The following TDRD7 variants were observed in gnomAD, a reference collection of about 807,000 sequenced individuals.
TDRD7 encodes tudor domain containing 7.
Under a neutral mutation model 109.8 loss-of-function variants are expected in TDRD7, and 47 were observed. The observed-to-expected ratio is 0.43, with a 90% CI of 0.34 to 0.55. TDRD7 has a LOEUF of 0.55. Among genes scored for constraint, TDRD7 ranks in the 20% least tolerant of loss-of-function variants. The pLI is 0.03. For missense variants in TDRD7, 1,164 were observed against 1,319.2 expected (o/e 0.88, Z 1.82); for synonymous variants, 424 against 457.3 (o/e 0.93, Z 0.93).
intron 8 of TDRD7, among the ~76,000 whole-genome samples, chr9:97,465,804 A>G (rs1160742691): frequency 2.0e-5 from 3 of 152,142 alleles, no homozygotes; most frequent in Non-Finnish European, 2.9e-5. Context: ...GCTACTTGAT[A>G]GAGAATTTGG....
chr9:97,417,549 T>G (rs1406120267), intron 1 of TDRD7, among the ~76,000 whole-genome samples: 1 of 152,192 alleles, frequency 6.6e-6, no homozygotes, highest in Non-Finnish European at 1.5e-5. Flanking sequence ...CTTCCATCTT[T>G]ATGTATCACA....
At position 97,428,440 on chromosome 9, in the gene TDRD7, C is replaced by G. The variant is rs777486752; in HGVS notation, c.-6-20C>G. On this transcript the variant is annotated intron_variant, in intron 1 of 16. Transcript: ENST00000355295. ...AACGAATGAGCCATATTATAGTAAC[C>G]TTCTACTGTGTTCTTATAGGCAAAG... is the stretch of plus-strand genomic sequence containing the variant. 2 of 1,609,958 alleles carry G rather than the reference C, an allele frequency of 1.2e-6. No homozygotes were observed. The highest frequency in any genetic ancestry group is 1.7e-6 in the Non-Finnish European group (2 of 1,176,696).
chr9:97,489,676 A>G (rs566970304), intron 16 of TDRD7, among the ~76,000 whole-genome samples: 16 of 152,178 alleles, frequency 1.1e-4, no homozygotes, highest in African/African-American at 3.4e-4. Context: ...ATTAACATCT[A>G]CCATATTTGT....
intron 8 of TDRD7, among the ~76,000 whole-genome samples, chr9:97,467,944 T>G (rs1231171770): frequency 1.3e-5 from 2 of 152,182 alleles, no homozygotes; most frequent in East Asian, 3.8e-4. Context: ...AAAGAGAAGA[T>G]TCAAGATAAG....
At chr9:97,445,325 G>A (rs1828382304) in intron 6 of TDRD7, among the ~76,000 whole-genome samples, 1 of 152,168 alleles carries the variant, frequency 6.6e-6, no homozygotes, top group South Asian at 2.1e-4. Flanking sequence ...CCGTGTGCTA[G>A]CCACTGACCT....
At chr9:97,442,070 T>A (rs909017588) in intron 6 of TDRD7, among the ~76,000 whole-genome samples, 195 bp downstream of exon 6, 6 of 152,234 alleles carry the variant, frequency 3.9e-5, no homozygotes, top group Non-Finnish European at 7.3e-5. Context: ...AAGGTTCTCC[T>A]GTGTTGTAAT....
intron 11 of TDRD7, among the ~76,000 whole-genome samples, chr9:97,474,470 CTG>C (rs1828977684): frequency 6.6e-6 from 1 of 152,160 alleles, no homozygotes; most frequent in African/African-American, 2.4e-5. Context: ...AGGGCATAGA[CTG>C]TGCCTTACCA....
intron 15 of TDRD7, among the ~76,000 whole-genome samples, chr9:97,486,309 T>C (rs1275193737): frequency 6.6e-6 from 1 of 152,220 alleles, no homozygotes; most frequent in Non-Finnish European, 1.5e-5. Context: ...TTTGAGACTA[T>C]AGGACTTTAA....
At chr9:97,424,454 T>C (rs1256330160) in intron 1 of TDRD7, among the ~76,000 whole-genome samples, 1 of 152,194 alleles carries the variant, frequency 6.6e-6, no homozygotes, top group African/African-American at 2.4e-5. Flanking sequence ...ATTGTGAAAT[T>C]GTGAATAAGT....
chr9:97,436,237 A>G (rs1448878758), intron 4 of TDRD7, among the ~76,000 whole-genome samples: 3 of 152,132 alleles, frequency 2.0e-5, no homozygotes, highest in Admixed American at 2.0e-4. Context: ...TATGAGAGTG[A>G]TTATTTTCTT....
At chr9:97,420,540 G>A (rs906866844) in intron 1 of TDRD7, among the ~76,000 whole-genome samples, 35 of 152,170 alleles carry the variant, frequency 2.3e-4, no homozygotes, top group African/African-American at 7.0e-4. Context: ...AATCATGTAT[G>A]TAGCCTTTTG....
chr9:97,470,402 C>T (rs1268622295), intron 8 of TDRD7, among the ~76,000 whole-genome samples, 156 bp from the exon 9 acceptor site: 1 of 152,186 alleles, frequency 6.6e-6, no homozygotes, highest in Non-Finnish European at 1.5e-5. Context: ...CCTTTCTCTT[C>T]TGTGGTAAGT....
chr9:97,487,372 A>G (rs1829229620), intron 16 of TDRD7, 40 bp downstream of exon 16: 1 of 1,613,186 alleles, frequency 6.2e-7, no homozygotes, highest in Non-Finnish European at 8.5e-7. Flanking sequence ...ACAACAATGC[A>G]ATATTGTCAT....
At chr9:97,474,217 T>C (rs1215394232) in intron 11 of TDRD7, among the ~76,000 whole-genome samples, 1 of 152,130 alleles carries the variant, frequency 6.6e-6, no homozygotes, top group Non-Finnish European at 1.5e-5. Context: ...GGTTTTATTG[T>C]GCTTTAAGTT....
intron 13 of TDRD7, among the ~76,000 whole-genome samples, chr9:97,479,153 C>A (rs537452343): frequency 6.6e-6 from 1 of 151,998 alleles, no homozygotes; most frequent in Admixed American, 6.6e-5. Flanking sequence ...TAAAACAATG[C>A]GGTATTCTAC....
intron 6 of TDRD7, 147 bp from the exon 7 acceptor site, chr9:97,460,031 T>G: frequency 1.4e-6 from 1 of 716,174 alleles, no homozygotes; most frequent in Non-Finnish European, 2.4e-6. Context: ...AGATAATGCA[T>G]TAAAGTCCTA....
rs185136519 is a variant in TDRD7, at chr9:97,436,614, A to G, written c.564-2631A>G. On this transcript the variant is annotated intron_variant, in intron 4 of 16. Transcript: ENST00000355295. ...CTTTTACTATGTGACTTCTGCTTTT[A>G]GGTATTATGTTTAGAAAAGCATTTC... 2.6e-5 allele frequency among the ~76,000 whole-genome samples: 4 copies of G among 152,228 alleles called. No individual in the cohort carries two copies. The East Asian group carries it at 5.8e-4, about 22-fold the overall frequency.
Position 97,491,914 on chromosome 9 carries a change from A to C in TDRD7, c.3077-3749A>C, listed in dbSNP as rs114025795. On this transcript the variant is annotated intron_variant, in intron 16 of 16. Coordinates refer to ENST00000355295, the MANE Select transcript of TDRD7 (RefSeq NM_014290.3). ...TAGTGCTTCTGGAGGTAAAACTCTC[A>C]AAAGTGTGGGAGACAGGGCCCTATA... 7.3e-3 allele frequency among the ~76,000 whole-genome samples: 1,119 copies of C among 152,278 alleles called. 12 individuals are homozygous for C. Among genetic ancestry groups the C allele is most frequent in the African/African-American group, 0.025 (1,059 of 41,554 alleles).
At chr9:97,462,548 T>G (rs933254896) in intron 7 of TDRD7, among the ~76,000 whole-genome samples, 1 of 152,160 alleles carries the variant, frequency 6.6e-6, no homozygotes, top group Non-Finnish European at 1.5e-5. Flanking sequence ...GGAAGCTGGA[T>G]CTCTGGCTCA....
Sources: allele counts gnomAD v4.1 joint callset (sites outside exome capture counted in the v4.1 genomes callset), GRCh38; gene constraint gnomAD v4.1.1; transcripts MANE v1.5; gene names NCBI Gene and HGNC (gene_info 2026-07-23, HGNC 2026-07-21).